Variants in ALDH18A1 observed in about 807,000 individuals in gnomAD.
The protein encoded by ALDH18A1 is delta-1-pyrroline-5-carboxylate synthase.
A neutral mutation model predicts 88.8 loss-of-function variants in ALDH18A1; 44 were observed. The ratio of observed to expected loss-of-function variants is 0.50; its 90% CI spans 0.39 to 0.64. The LOEUF (loss-of-function observed/expected upper bound fraction) is 0.64, where lower values mean the gene tolerates loss of function less well. Ranked by LOEUF, ALDH18A1 falls within the 30% of genes least tolerant of loss-of-function variation. ALDH18A1 has a pLI of 0.00. For missense variants in ALDH18A1, 782 were observed against 1,009.5 expected (o/e 0.77, Z 3.05); for synonymous variants, 331 against 372.1 (o/e 0.89, Z 1.27).
At chr10:95,647,811 T>G (rs1302815488) in intron 2 of ALDH18A1, among the ~76,000 whole-genome samples, 1 of 152,248 alleles carries the variant, frequency 6.6e-6, no homozygotes, top group Admixed American at 6.5e-5. Flanking sequence ...CAATCATGCC[T>G]ATCCAATAAG....
At chr10:95,622,561 G>T (rs542143533) in intron 11 of ALDH18A1, among the ~76,000 whole-genome samples, 1 of 151,644 alleles carries the variant, frequency 6.6e-6, no homozygotes, top group Non-Finnish European at 1.5e-5. Flanking sequence ...TTTTTGAGAC[G>T]GAGTCTCGCT....
At chr10:95,623,857 G>A (rs992454642) in intron 11 of ALDH18A1, among the ~76,000 whole-genome samples, 2 of 152,036 alleles carry the variant, frequency 1.3e-5, no homozygotes, top group Non-Finnish European at 1.5e-5. Context: ...GAGCCACTGC[G>A]CCTAGCTGTA....
In ALDH18A1 at chr10:95,614,120, G is replaced by A. The variant is rs570213934; in HGVS notation, c.1647C>T (p.Asp549=). The change falls in exon 14 of 18, where the codon GAC becomes GAT. Residue 549 remains aspartate (D), a synonymous_variant. Coordinates refer to ENST00000371224, the MANE Select transcript of ALDH18A1 (RefSeq NM_002860.4). ...REEVEDLCRL[D]KMIDLIIPRG... ...GTGGAATGATCAGATCTATCATTTT[G>A]TCTAGGCGGCAAAGATCTTCAACTT... 1 of 1,614,196 alleles carries A rather than the reference G, an allele frequency of 6.2e-7. No homozygotes were observed. The highest frequency in any genetic ancestry group is 1.7e-5 in the Admixed American group (1 of 60,020).
chr10:95,616,440 C>T (rs1256805389), intron 13 of ALDH18A1, 37 bp downstream of exon 13: 1 of 1,553,338 alleles, frequency 6.4e-7, no homozygotes, highest in African/African-American at 1.4e-5. Flanking sequence ...TGATCTGGCC[C>T]CTCTGGGCCT....
intron 11 of ALDH18A1, among the ~76,000 whole-genome samples, chr10:95,621,700 T>A (rs141874761): frequency 6.6e-6 from 1 of 152,158 alleles, no homozygotes; most frequent in Non-Finnish European, 1.5e-5. Context: ...TTAAACTGTC[T>A]TTCTTGGGGG....
chr10:95,650,555 C>T (rs139050165), intron 2 of ALDH18A1, among the ~76,000 whole-genome samples: 2,275 of 152,272 alleles, frequency 0.015, 30 homozygotes, highest in Middle Eastern at 0.044. Flanking sequence ...GAGCCTGGCC[C>T]TTTCTTTTCT....
chr10:95,634,414 A>G (rs927665542), intron 5 of ALDH18A1, among the ~76,000 whole-genome samples: 5 of 152,172 alleles, frequency 3.3e-5, no homozygotes, highest in African/African-American at 1.2e-4. Flanking sequence ...AATTTCTAAA[A>G]TATCTCTGTA....
chr10:95,643,255 G>T, intron 2 of ALDH18A1, 49 bp from the exon 3 acceptor site: 1 of 1,572,494 alleles, frequency 6.4e-7, no homozygotes, highest in Non-Finnish European at 8.7e-7. Context: ...ACTCAATATA[G>T]TTTTTCAATA....
At chr10:95,635,176 G>C (rs915412298) in intron 5 of ALDH18A1, among the ~76,000 whole-genome samples, 2 of 152,128 alleles carry the variant, frequency 1.3e-5, no homozygotes, top group African/African-American at 2.4e-5. Context: ...ATTTTTGAAA[G>C]GGAAGATCAT....
rs1012303779 is a variant in ALDH18A1 at position 95,611,321 on chromosome 10, T to C, written c.2045A>G (p.Gln682Arg). 3 of 1,614,120 alleles carry C rather than the reference T, an allele frequency of 1.9e-6. No individual in the cohort carries two copies. The highest frequency in any genetic ancestry group is 2.2e-5 in the East Asian group (1 of 44,906). Residue 682 changes from glutamine to arginine, a missense_variant, in exon 16 of 18, where the codon CAG becomes CGG. Transcript: ENST00000371224. ...CTTGTGGATGTGGTCAATGGCATCC[T>C]GAACGTTGTCCACTACTTCAATGCA... is the stretch of plus-strand genomic sequence containing the variant. The part of the protein sequence containing the change: ...ELCIEVVDNV[Q>R]DAIDHIHKYG...
intron 6 of ALDH18A1, 99 bp from the exon 7 acceptor site, chr10:95,633,148 A>G: frequency 8.8e-7 from 1 of 1,139,282 alleles, no homozygotes; most frequent in East Asian, 2.5e-5. Flanking sequence ...CCAAGCTAGG[A>G]TCAGGCAAAA....
At chr10:95,611,470 A>G (rs762988387) in intron 15 of ALDH18A1, 28 bp from the exon 16 acceptor site, 1 of 1,611,174 alleles carries the variant, frequency 6.2e-7, no homozygotes, top group Non-Finnish European at 8.5e-7. Context: ...CAGGGGCAAC[A>G]ACATAAAAAC....
At chr10:95,644,021 T>G (rs2097896731) in intron 2 of ALDH18A1, among the ~76,000 whole-genome samples, 1 of 152,090 alleles carries the variant, frequency 6.6e-6, no homozygotes, top group Non-Finnish European at 1.5e-5. Context: ...TGGGCACCTA[T>G]AATCCCAGCT....
At chr10:95,609,395 T>C (rs1376800600) in intron 17 of ALDH18A1, among the ~76,000 whole-genome samples, 2 of 152,218 alleles carry the variant, frequency 1.3e-5, no homozygotes, top group Admixed American at 6.5e-5. Flanking sequence ...TGTCCTACCA[T>C]TGTGGGGTTT....
intron 2 of ALDH18A1, among the ~76,000 whole-genome samples, chr10:95,649,346 T>C (rs1206903007): frequency 1.3e-5 from 2 of 150,994 alleles, no homozygotes; most frequent in African/African-American, 4.9e-5. Context: ...ACTCCATTTT[T>C]ACAGATTTTT....
intron 17 of ALDH18A1, among the ~76,000 whole-genome samples, chr10:95,608,985 C>A: frequency 6.6e-6 from 1 of 152,232 alleles, no homozygotes. Flanking sequence ...AAGCGATTCT[C>A]CTGCCTCAGC....
chr10:95,637,891 G>T (rs1017417518), intron 3 of ALDH18A1, among the ~76,000 whole-genome samples: 1 of 151,952 alleles, frequency 6.6e-6, no homozygotes, highest in African/African-American at 2.4e-5. Flanking sequence ...GCTCAGGGAG[G>T]TTAAGACTGC....
At chr10:95,648,933 T>A (rs2139656985) in intron 2 of ALDH18A1, among the ~76,000 whole-genome samples, 1 of 152,332 alleles carries the variant, frequency 6.6e-6, no homozygotes, top group East Asian at 1.9e-4. Flanking sequence ...AGGGCTAGTT[T>A]TAAAAACCCA....
rs1440123423 is a variant in ALDH18A1 at position 95,616,515 on chromosome 10, C to G, written c.1567G>C (p.Ala523Pro). The G allele has an allele frequency of 6.3e-6, 10 of 1,576,314 alleles. No individual in the cohort carries two copies. Among genetic ancestry groups the G allele is most frequent in the African/African-American group, 1.3e-5 (1 of 74,574 alleles). Residue 523 changes from alanine to proline, a missense_variant, in exon 13 of 18, where the codon GCT becomes CCT. Ala to Pro is a conservative substitution (Grantham distance 27). Around this residue, in one of 3 missense-constraint regions of ALDH18A1, gnomAD observed 556 missense variants for 654.5 expected, o/e 0.85. Transcript: ENST00000371224. ...NRILHLLTQE[A>P]LSIHGVKEAV... ...TCCTTGACTCCATGGATTGAGAGAGCCTCCTGGGTCAGGAGGTGGAGAATC... is the reference window on the plus strand; with the variant it reads ...TCCTTGACTCCATGGATTGAGAGAGGCTCCTGGGTCAGGAGGTGGAGAATC...
Sources: gnomAD v4.1 joint callset for allele counts (sites outside exome capture counted in the v4.1 genomes callset) on GRCh38, gnomAD v4.1.1 for gene constraint, gnomAD v4.1.1 regional missense constraint, MANE v1.5 for transcripts, NCBI Gene and HGNC (gene_info 2026-07-23, HGNC 2026-07-21) for gene names.